Variants in GRIN3A observed in about 807,000 individuals in gnomAD.
GRIN3A encodes glutamate ionotropic receptor NMDA type subunit 3A.
GRIN3A carries 47 observed loss-of-function variants against 92.4 expected under a neutral mutation model. The observed-to-expected ratio is 0.51, with a 90% CI of 0.40 to 0.65. The LOEUF (loss-of-function observed/expected upper bound fraction) is 0.65, where lower values mean the gene tolerates loss of function less well. Ranked by LOEUF, GRIN3A falls within the 30% of genes least tolerant of loss-of-function variation. GRIN3A has a pLI of 0.00. For synonymous variants in GRIN3A, 527 were observed against 540.6 expected, an observed-to-expected ratio of 0.97 and a Z score of 0.35; for missense variants, 1,324 against 1,393.1, an observed-to-expected ratio of 0.95 and a Z score of 0.79.
At chr9:101,589,603 A>G (rs1392756068) in intron 6 of GRIN3A, among the ~76,000 whole-genome samples, 1 of 152,192 alleles carries the variant, frequency 6.6e-6, no homozygotes, top group Non-Finnish European at 1.5e-5. Flanking sequence ...ATTTATGCAT[A>G]TCAGACACAA....
At chr9:101,661,292 A>G (rs1047319553) in intron 3 of GRIN3A, among the ~76,000 whole-genome samples, 1 of 151,916 alleles carries the variant, frequency 6.6e-6, no homozygotes, top group Non-Finnish European at 1.5e-5. Context: ...CATTACATAA[A>G]TAATACATGA....
intron 2 of GRIN3A, among the ~76,000 whole-genome samples, chr9:101,686,351 G>T (rs1316129186): frequency 6.6e-6 from 1 of 152,152 alleles, no homozygotes; most frequent in Non-Finnish European, 1.5e-5. Flanking sequence ...CTAGTAAGAA[G>T]CTAAACCAAG....
In GRIN3A at chr9:101,598,650, C is replaced by G. The variant is rs528184349; in HGVS notation, c.2766+14726G>C. Among the ~76,000 whole-genome samples the G allele has an allele frequency of 2.6e-5, 4 of 152,220 alleles. No homozygotes were observed. In the East Asian group the frequency reaches 7.7e-4, roughly 29 times the overall value. On this transcript the variant is annotated intron_variant, in intron 6 of 8. Coordinates refer to ENST00000361820, the MANE Select transcript of GRIN3A (RefSeq NM_133445.3). The stretch of plus-strand genomic sequence containing the variant: ...GTCATTATCATCATTGCTATTATTA[C>G]TAATTTTATTGTTACTTACCCTACT...
chr9:101,569,629 G>C lies in GRIN3A; in HGVS notation c.*3545C>G, dbSNP rs1405528593. ...AAAATGATTAGTAACTAAAAAAAAA[G>C]AGTGAGGGAATCCTGGATTAGATGG... is the stretch of plus-strand genomic sequence containing the variant. On this transcript the variant is annotated 3_prime_UTR_variant, in exon 9 of 9. Coordinates refer to ENST00000361820, the MANE Select transcript of GRIN3A (RefSeq NM_133445.3). 1 of 152,070 alleles carries C rather than the reference G, an allele frequency of 6.6e-6. No homozygotes were observed. The highest frequency in any genetic ancestry group is 1.5e-5 in the Non-Finnish European group (1 of 67,986). 9.4% of individuals were successfully genotyped at this position (152,070 alleles called of 1,614,324 possible).
chr9:101,596,735 G>T (rs912898650), intron 6 of GRIN3A, among the ~76,000 whole-genome samples: 2 of 152,280 alleles, frequency 1.3e-5, no homozygotes, highest in East Asian at 1.9e-4. Flanking sequence ...GCAAGTAAAA[G>T]AATCTACCTC....
rs117276478 is a variant in GRIN3A at position 101,711,064 on chromosome 9, T to C, written c.700-23864A>G. 2.6e-3 allele frequency among the ~76,000 whole-genome samples: 400 copies of C among 152,348 alleles called. 15 individuals are homozygous for C. The East Asian group carries it at 0.065, about 25-fold the overall frequency. ...TCTCTCTTAAAATATCTTACTGTAC[T>C]GTACTCACCCTCGTCCTTCTTGTGA... On this transcript the variant is annotated intron_variant, in intron 1 of 8. Transcript: ENST00000361820.
At chr9:101,724,407 G>C (rs1255847474) in intron 1 of GRIN3A, among the ~76,000 whole-genome samples, 1 of 152,250 alleles carries the variant, frequency 6.6e-6, no homozygotes, top group Non-Finnish European at 1.5e-5. Context: ...CCGCTGCTCC[G>C]AGTGCGGGGC....
chr9:101,692,822 T>G (rs1829637353), intron 1 of GRIN3A, among the ~76,000 whole-genome samples: 1 of 152,180 alleles, frequency 6.6e-6, no homozygotes, highest in Admixed American at 6.5e-5. Flanking sequence ...AATTAAAGAT[T>G]GTTCCTTTAG....
At chr9:101,689,735 CACACACAT>C (rs1006792236) in intron 1 of GRIN3A, among the ~76,000 whole-genome samples, 5 of 136,314 alleles carry the variant, frequency 3.7e-5, no homozygotes, top group African/African-American at 1.3e-4. Flanking sequence ...CACATGCACA[CACACACAT>C]ACACACACAC....
Position 101,671,026 on chromosome 9 carries a change from G to A in GRIN3A, c.1386C>T (p.Asn462=), listed in dbSNP as rs146161602. 98 of 1,613,928 alleles carry A rather than the reference G, an allele frequency of 6.1e-5. No homozygotes were observed. In the African/African-American group the frequency reaches 1.0e-3, roughly 17 times the overall value. Reference sequence around the variant, plus strand: ...CATGTTGAAGATTCCAGATGAAAAAGTTGTTTTCTGAGCTGACGATGGTGG... The same window carrying A: ...CATGTTGAAGATTCCAGATGAAAAAATTGTTTTCTGAGCTGACGATGGTGG... The part of the protein sequence containing the change: ...KGSTIVSSEN[N]FFIWNLQHDP... The change falls in exon 3 of 9, where the codon AAC becomes AAT. Residue 462 remains asparagine (N), a synonymous_variant. Transcript: ENST00000361820.
chr9:101,711,197 AG>A (rs1829872552), intron 1 of GRIN3A, among the ~76,000 whole-genome samples: 1 of 152,144 alleles, frequency 6.6e-6, no homozygotes, highest in African/African-American at 2.4e-5. Context: ...ATATGTCAGG[AG>A]GACCATCTGC....
intron 6 of GRIN3A, among the ~76,000 whole-genome samples, chr9:101,611,160 AG>A (rs1290555021): frequency 6.6e-6 from 1 of 151,830 alleles, no homozygotes; most frequent in Non-Finnish European, 1.5e-5. Context: ...CTCACAGCTT[AG>A]GAGGCCAAAA....
intron 5 of GRIN3A, among the ~76,000 whole-genome samples, chr9:101,617,456 A>G (rs1828475906): frequency 6.6e-6 from 1 of 152,150 alleles, no homozygotes; most frequent in Admixed American, 6.5e-5. Context: ...TTGAAGTTTC[A>G]GAGACATTTA....
At position 101,689,890 on chromosome 9, in the gene GRIN3A, T is replaced by C. The variant is rs1314003724; in HGVS notation, c.700-2690A>G. Among the ~76,000 whole-genome samples the C allele has an allele frequency of 4.6e-5, 7 of 152,300 alleles. No homozygotes were observed. The East Asian group carries it at 1.2e-3, about 25-fold the overall frequency. ...GTAAAATTGAAAAGGAAAATCTGTGTCTTACATATGGTTTGTTGTTTGCAA... is the reference window on the plus strand; with the variant it reads ...GTAAAATTGAAAAGGAAAATCTGTGCCTTACATATGGTTTGTTGTTTGCAA... On this transcript the variant is annotated intron_variant, in intron 1 of 8. Transcript: ENST00000361820.
intron 2 of GRIN3A, 60 bp downstream of exon 2, chr9:101,686,536 G>C: frequency 1.3e-6 from 2 of 1,579,434 alleles, no homozygotes; most frequent in Non-Finnish European, 1.7e-6. Flanking sequence ...ACAGATAGGG[G>C]AATTTTACTC....
chr9:101,703,858 G>C (rs927069501), intron 1 of GRIN3A, among the ~76,000 whole-genome samples: 1 of 152,064 alleles, frequency 6.6e-6, no homozygotes, highest in African/African-American at 2.4e-5. Context: ...GGCTGCCTCT[G>C]TCTCGAGCAA....
chr9:101,579,325 G>T lies in GRIN3A; in HGVS notation c.2802C>A (p.Leu934=). ...LQMGIKHFSG[L]FVLLCIGFGL... is the part of the protein sequence containing the mutation. ...CAAATCCAATGCACAGCAGCACAAAGAGCCCAGAGAAGTGTTTGATGCCCA... is the reference window on the plus strand; with the variant it reads ...CAAATCCAATGCACAGCAGCACAAATAGCCCAGAGAAGTGTTTGATGCCCA... Residue 934 remains leucine (L), a synonymous_variant, in exon 7 of 9, where the codon CTC becomes CTA. Transcript: ENST00000361820. 3.7e-6 allele frequency: 6 copies of T among 1,613,986 alleles called. No individual in the cohort carries two copies. Among genetic ancestry groups the T allele is most frequent in the Non-Finnish European group, 5.1e-6 (6 of 1,179,910 alleles).
At chr9:101,621,721 C>T (rs1828558268) in intron 5 of GRIN3A, among the ~76,000 whole-genome samples, 1 of 152,138 alleles carries the variant, frequency 6.6e-6, no homozygotes, top group Non-Finnish European at 1.5e-5. Flanking sequence ...CCAGCAGAGG[C>T]AAACAAGCCA....
chr9:101,627,361 A>G (rs1290014492), intron 4 of GRIN3A, among the ~76,000 whole-genome samples: 1 of 152,230 alleles, frequency 6.6e-6, no homozygotes, highest in Non-Finnish European at 1.5e-5. Context: ...GTTGAGAAAG[A>G]CAAAACCCTT....
Sources: allele counts gnomAD v4.1 joint callset (sites outside exome capture counted in the v4.1 genomes callset), GRCh38; gene constraint gnomAD v4.1.1; transcripts MANE v1.5; gene names NCBI Gene and HGNC (gene_info 2026-07-23, HGNC 2026-07-21).